Variants in SDHB observed in about 807,000 individuals in gnomAD.
SDHB encodes succinate dehydrogenase complex iron sulfur subunit B.
A neutral mutation model predicts 39.7 loss-of-function variants in SDHB; 21 were observed. The ratio of observed to expected loss-of-function variants is 0.53; its 90% CI spans 0.37 to 0.76. SDHB has a LOEUF of 0.76. Ranked by LOEUF, SDHB falls within the 30% of genes least tolerant of loss-of-function variation. The probability of loss-of-function intolerance (pLI) is 0.00; values close to 1 mark genes in which losing one functional copy is unlikely to be tolerated. For synonymous variants in SDHB, 118 were observed against 117.0 expected (o/e 1.01, Z -0.06); for missense variants, 343 against 350.9 (o/e 0.98, Z 0.18).
At chr1:17,030,157 C>A (rs1174023445) in intron 3 of SDHB, among the ~76,000 whole-genome samples, 1 of 152,050 alleles carries the variant, frequency 6.6e-6, no homozygotes, top group African/African-American at 2.4e-5. Flanking sequence ...CCACTGCACT[C>A]CAGCCTGGGT....
chr1:17,024,080 T>C lies in SDHB; in HGVS notation c.541-6A>G, dbSNP rs1195530396. 2 of 1,605,966 alleles carry C rather than the reference T, an allele frequency of 1.2e-6. No individual in the cohort carries two copies. The highest frequency in any genetic ancestry group is 8.5e-7 in the Non-Finnish European group (1 of 1,173,892). On this transcript the variant is annotated splice_polypyrimidine_tract_variant and splice_region_variant and intron_variant, in intron 5 of 7. Transcript: ENST00000375499. ...ATGCACTCGTAGAGCCCGTCCTGTA[T>C]GGGGAGAAAAGAGAGGCAGGAGCTT...
chr1:17,032,044 G>GAA (rs1557742557), intron 3 of SDHB, among the ~76,000 whole-genome samples: 3 of 152,068 alleles, frequency 2.0e-5, no homozygotes, highest in African/African-American at 7.2e-5. Context: ...CAGGCCAGTC[G>GAA]GTCTTCACTG....
chr1:17,047,072 T>C (rs1241246089), intron 1 of SDHB, among the ~76,000 whole-genome samples: 4 of 152,180 alleles, frequency 2.6e-5, no homozygotes, highest in Admixed American at 2.0e-4. Context: ...AAAATAATAC[T>C]GAGGCCAGGT....
At chr1:17,042,337 G>A (rs949493263) in intron 2 of SDHB, among the ~76,000 whole-genome samples, 4 of 152,116 alleles carry the variant, frequency 2.6e-5, no homozygotes, top group Non-Finnish European at 4.4e-5. Context: ...CTGCCCACTC[G>A]TGGTCCTTCT....
At chr1:17,053,603 A>T (rs1355523167) in intron 1 of SDHB, among the ~76,000 whole-genome samples, 4 of 152,070 alleles carry the variant, frequency 2.6e-5, no homozygotes, top group African/African-American at 7.2e-5. Context: ...GTGGCAGAAA[A>T]AGGGCTTGGA....
At chr1:17,036,772 A>G (rs1381813889) in intron 2 of SDHB, among the ~76,000 whole-genome samples, 1 of 143,990 alleles carries the variant, frequency 6.9e-6, no homozygotes, top group Non-Finnish European at 1.5e-5. Context: ...AAATATGAAT[A>G]TATAAATATA....
chr1:17,025,538 T>C (rs1441766517), intron 5 of SDHB, among the ~76,000 whole-genome samples: 1 of 151,982 alleles, frequency 6.6e-6, no homozygotes, highest in African/African-American at 2.4e-5. Flanking sequence ...GCCTCCTGAG[T>C]AGCTGGGACT....
intron 1 of SDHB, 125 bp downstream of exon 1, chr1:17,053,823 G>A (rs2078162052): frequency 4.0e-6 from 3 of 743,806 alleles, no homozygotes; most frequent in East Asian, 2.7e-5. Context: ...TGCACCAGGG[G>A]GAGGAGGTCC....
At chr1:17,024,574 TCC>T (rs2077982115) in intron 5 of SDHB, among the ~76,000 whole-genome samples, 1 of 152,192 alleles carries the variant, frequency 6.6e-6, no homozygotes, top group South Asian at 2.1e-4. Flanking sequence ...TTACACGCTT[TCC>T]TTAACTGATC....
chr1:17,032,765 G>T, intron 3 of SDHB: 1 of 459,514 alleles, frequency 2.2e-6, no homozygotes, highest in East Asian at 4.4e-5. Context: ...AGCATGGAAG[G>T]TGCCAGCCAG....
chr1:17,051,750 G>C (rs2078149274), intron 1 of SDHB, among the ~76,000 whole-genome samples: 1 of 152,042 alleles, frequency 6.6e-6, no homozygotes, highest in Non-Finnish European at 1.5e-5. Context: ...TGCTCTACAA[G>C]ATTGGCAACC....
chr1:17,049,450 A>G (rs2078132464), intron 1 of SDHB, among the ~76,000 whole-genome samples: 1 of 151,904 alleles, frequency 6.6e-6, no homozygotes, highest in African/African-American at 2.4e-5. Context: ...GGCATGTGCC[A>G]TAAAGTCCAG....
chr1:17,051,316 T>C (rs966240480), intron 1 of SDHB, among the ~76,000 whole-genome samples: 2 of 152,190 alleles, frequency 1.3e-5, no homozygotes, highest in Non-Finnish European at 1.5e-5. Context: ...ATGAATTTCA[T>C]AGTTTATAAT....
intron 2 of SDHB, among the ~76,000 whole-genome samples, chr1:17,034,086 A>G (rs932756650): frequency 2.6e-5 from 4 of 152,166 alleles, no homozygotes; most frequent in African/African-American, 9.7e-5. Flanking sequence ...CTAATTTTCT[A>G]TGCATGAGAT....
At chr1:17,036,965 A>G (rs1463847114) in intron 2 of SDHB, among the ~76,000 whole-genome samples, 2 of 151,868 alleles carry the variant, frequency 1.3e-5, no homozygotes, top group African/African-American at 4.8e-5. Flanking sequence ...GCCTAGAAAA[A>G]TACATTTATC....
chr1:17,045,600 A>G (rs1404819585), intron 1 of SDHB, among the ~76,000 whole-genome samples: 2 of 152,180 alleles, frequency 1.3e-5, no homozygotes, highest in Non-Finnish European at 2.9e-5. Flanking sequence ...CTCTTTTTCA[A>G]AAATACAAAA....
rs2078008697 is a variant in SDHB, at chr1:17,029,100, T to TTTTG, written c.287-365_287-364insCAAA. 5.0e-5 allele frequency among the ~76,000 whole-genome samples: 7 copies of TTTTG among 139,832 alleles called. No individual in the cohort carries two copies. The South Asian group carries it at 1.7e-3, about 34-fold the overall frequency. The allele number at this position is 139,832 out of a possible 152,430, so 91.7% of individuals were successfully genotyped here. ...TTGAAGAAAAATCAGCCTGTTTTTTTTTTTTTTTTTTTTTTTTTTTTTAAA... is the reference window on the plus strand; with the variant it reads ...TTGAAGAAAAATCAGCCTGTTTTTTTTTTGTTTTTTTTTTTTTTTTTTTTTTAAA... On this transcript the variant is annotated intron_variant, in intron 3 of 7. Coordinates refer to ENST00000375499, the MANE Select transcript of SDHB (RefSeq NM_003000.3).
chr1:17,045,486 C>T (rs1042169058), intron 1 of SDHB, among the ~76,000 whole-genome samples: 4 of 151,980 alleles, frequency 2.6e-5, no homozygotes, highest in East Asian at 1.9e-4. Context: ...TCGTAGTGTG[C>T]GTCTCAGGAG....
At chr1:17,051,905 G>A (rs1165821091) in intron 1 of SDHB, among the ~76,000 whole-genome samples, 2 of 150,966 alleles carry the variant, frequency 1.3e-5, no homozygotes, top group African/African-American at 4.9e-5. Flanking sequence ...GCAATGGTGC[G>A]ATTTCAGCTC....
Sources: gnomAD v4.1 joint callset for allele counts (sites outside exome capture counted in the v4.1 genomes callset) on GRCh38, gnomAD v4.1.1 for gene constraint, MANE v1.5 for transcripts, NCBI Gene and HGNC (gene_info 2026-07-23, HGNC 2026-07-21) for gene names.